INTS10: variants seen among roughly 807,000 people sequenced by gnomAD.
The protein encoded by INTS10 is chromosome 8 open reading frame 35.
Under a neutral mutation model 94.4 loss-of-function variants are expected in INTS10, and 44 were observed. The observed-to-expected ratio is 0.47, with a 90% CI of 0.37 to 0.60. The LOEUF (loss-of-function observed/expected upper bound fraction) is 0.60. Ranked by LOEUF, INTS10 falls within the 20% of genes least tolerant of loss-of-function variation. The pLI is 0.00. For synonymous variants in INTS10, 341 were observed against 320.7 expected (o/e 1.06, Z -0.68); for missense variants, 797 against 868.7 (o/e 0.92, Z 1.04).
Position 19,851,951 on chromosome 8 carries a change from A to T in INTS10, c.*146A>T. 1.7e-6 allele frequency: 1 copy of T among 573,848 alleles called. No homozygotes were observed. The highest frequency in any genetic ancestry group is 2.9e-5 in the East Asian group (1 of 34,880). 35.5% of individuals were successfully genotyped at this position (573,848 alleles called of 1,614,324 possible). ...TGAGTTCTAACTCCTTGGTTGCTTAAAAGTAGTTCCCAAGAGTCTGAGAAG... is the reference window on the plus strand; with the variant it reads ...TGAGTTCTAACTCCTTGGTTGCTTATAAGTAGTTCCCAAGAGTCTGAGAAG... On this transcript the variant is annotated 3_prime_UTR_variant, in exon 17 of 17. Transcript: ENST00000397977. This position sits in a 1 kb window ranked among gnomAD's most constrained non-coding sequence, Gnocchi z 5.0.
Position 19,817,507 on chromosome 8 carries a change from T to TCCG in INTS10, c.-31_-30insCCG. 2 of 1,596,790 alleles carry TCCG rather than the reference T, an allele frequency of 1.3e-6. No homozygotes were observed. The highest frequency in any genetic ancestry group is 1.7e-6 in the Non-Finnish European group (2 of 1,173,506). On this transcript the variant is annotated 5_prime_UTR_variant, in exon 1 of 17. Transcript: ENST00000397977. ...GTCCAGAGCCGGACGTTCCGGCCGCTTCGGGCTGGCGGCTGGAGAGCGCTC... is the reference window on the plus strand; with the variant it reads ...GTCCAGAGCCGGACGTTCCGGCCGCTCCGTCGGGCTGGCGGCTGGAGAGCGCTC...
intron 15 of INTS10, 59 bp from the exon 16 acceptor site, chr8:19,845,645 C>G: frequency 8.1e-7 from 1 of 1,231,848 alleles, no homozygotes; most frequent in Non-Finnish European, 1.2e-6. Flanking sequence ...ACCCCATTTC[C>G]TCATCAGAGA....
chr8:19,826,511 A>T lies in INTS10; in HGVS notation c.1092A>T (p.Lys364Asn), dbSNP rs761134056. 5 of 1,613,076 alleles carry T rather than the reference A, an allele frequency of 3.1e-6. No individual in the cohort carries two copies. Among genetic ancestry groups the T allele is most frequent in the Non-Finnish European group, 4.2e-6 (5 of 1,179,706 alleles). ...VYGDVEIDRN[K>N]HIHKKRKLAE... ...GTGATGTAGAAATTGATCGTAATAA[A>T]CACATCCATAAAAAGAGGAAACTAG... The change falls in exon 9 of 17, where the codon AAA becomes AAT. Residue 364 changes from lysine to asparagine, a missense_variant. This residue lies in a region of INTS10 where 734 missense variants were observed against 787.8 expected (regional missense o/e 0.93). Coordinates refer to ENST00000397977, the MANE Select transcript of INTS10 (RefSeq NM_018142.4).
intron 13 of INTS10, among the ~76,000 whole-genome samples, chr8:19,841,604 A>G (rs1406436848): frequency 6.6e-6 from 1 of 152,206 alleles, no homozygotes; most frequent in Non-Finnish European, 1.5e-5. Flanking sequence ...GAATAAAACA[A>G]TAAACTACCA....
At position 19,826,498 on chromosome 8, in the gene INTS10, T is replaced by C. The variant is rs749386095; in HGVS notation, c.1079T>C (p.Ile360Thr). ...TCGAATGTGTATGGTGATGTAGAAA[T>C]TGATCGTAATAAACACATCCATAAA... ...DVSNVYGDVE[I>T]DRNKHIHKKR... The change falls in exon 9 of 17, where the codon ATT (isoleucine) becomes ACT (threonine). Residue 360 changes from isoleucine to threonine, a missense_variant. This residue lies in a region of INTS10 where 734 missense variants were observed against 787.8 expected (regional missense o/e 0.93). Transcript: ENST00000397977. The C allele has an allele frequency of 1.1e-5, 18 of 1,613,098 alleles. No homozygotes were observed. In the Admixed American group the frequency reaches 1.7e-4, roughly 15 times the overall value.
intron 10 of INTS10, among the ~76,000 whole-genome samples, chr8:19,830,895 A>C (rs2067177802): frequency 6.6e-6 from 1 of 152,008 alleles, no homozygotes; most frequent in Non-Finnish European, 1.5e-5. Context: ...GCTGGTCTTG[A>C]ACTCCTGACC....
chr8:19,833,852 C>CA (rs1264561329), intron 12 of INTS10, among the ~76,000 whole-genome samples: 2 of 152,060 alleles, frequency 1.3e-5, no homozygotes, highest in African/African-American at 4.8e-5. Context: ...TATTAAAATA[C>CA]AAAAATGAGC....
At chr8:19,841,188 A>AT (rs1442022148) in intron 13 of INTS10, among the ~76,000 whole-genome samples, 2 of 152,208 alleles carry the variant, frequency 1.3e-5, no homozygotes, top group African/African-American at 4.8e-5. Flanking sequence ...AAAAACGACA[A>AT]TAAAAAAATG....
At chr8:19,838,921 A>T (rs1187247942) in intron 13 of INTS10, among the ~76,000 whole-genome samples, 1 of 151,948 alleles carries the variant, frequency 6.6e-6, no homozygotes, top group African/African-American at 2.4e-5. Flanking sequence ...AAATACAAAA[A>T]ATTAGCCAGG....
In INTS10 at chr8:19,823,874, C is replaced by T. The variant is rs755015774; in HGVS notation, c.666C>T (p.Gly222=). 2.0e-5 allele frequency: 31 copies of T among 1,574,684 alleles called. No homozygotes were observed. The highest frequency in any genetic ancestry group is 1.2e-4 in the Admixed American group (6 of 49,830). ...GGCTACTTTTTTCTTACATCTCAGG[C>T]GCCCAGGATACATCTGATTTAATGT... ...RSTQIENQHQ[G]AQDTSDLMSP... is the part of the protein sequence containing the mutation. The change falls in exon 7 of 17, where the codon GGC becomes GGT. Residue 222 remains glycine (G), a splice_region_variant and synonymous_variant. Transcript: ENST00000397977.
intron 16 of INTS10, among the ~76,000 whole-genome samples, chr8:19,850,655 T>C (rs1046183384): frequency 6.6e-6 from 1 of 152,178 alleles, no homozygotes; most frequent in Non-Finnish European, 1.5e-5. Context: ...CTTATAACTT[T>C]GTGTGAGGGA....
At chr8:19,847,029 A>G (rs1439293007) in intron 16 of INTS10, among the ~76,000 whole-genome samples, 1 of 152,188 alleles carries the variant, frequency 6.6e-6, no homozygotes, top group Non-Finnish European at 1.5e-5. Context: ...TTCTATCTTG[A>G]TAGTCTTAGA....
rs185783065 is a variant in INTS10, at chr8:19,826,577, A to G, written c.1140+18A>G. 1.1e-5 allele frequency: 18 copies of G among 1,601,586 alleles called. No homozygotes were observed. The Admixed American group carries it at 1.4e-4, about 12-fold the overall frequency. ...AAACCATGGTAAGGCTTTCAAATAT[A>G]CTTATTAACAGATTGGATGGGACGC... On this transcript the variant is annotated intron_variant, in intron 9 of 16. Transcript: ENST00000397977.
At chr8:19,844,274 G>T (rs765222975) in intron 15 of INTS10, 36 bp downstream of exon 15, 2 of 1,415,248 alleles carry the variant, frequency 1.4e-6, no homozygotes, top group South Asian at 1.2e-5. Flanking sequence ...AACACATTCT[G>T]ATTTTCTTTA....
intron 12 of INTS10, among the ~76,000 whole-genome samples, chr8:19,836,619 C>CTG (rs1314846133): frequency 6.6e-6 from 1 of 152,196 alleles, no homozygotes; most frequent in African/African-American, 2.4e-5. Flanking sequence ...CTAGTTTCTC[C>CTG]TGTGTGTATT....
At position 19,851,979 on chromosome 8, in the gene INTS10, A is replaced by G. The variant is rs1270417630; in HGVS notation, c.*174A>G. The G allele has an allele frequency of 2.3e-6, 1 of 438,676 alleles. No individual in the cohort carries two copies. Among genetic ancestry groups the G allele is most frequent in the Non-Finnish European group, 4.0e-6 (1 of 251,038 alleles). The allele number at this position is 438,676 out of a possible 1,614,324, so 27.2% of individuals were successfully genotyped here. ...GTAGTTCCCAAGAGTCTGAGAAGCT[A>G]TTTCTATTTTTAAGAGTCATTTTTT... On this transcript the variant is annotated 3_prime_UTR_variant, in exon 17 of 17. Transcript: ENST00000397977. The surrounding 1 kb of genome is among the most constrained non-coding windows in gnomAD (Gnocchi z 5.0).
chr8:19,822,630 T>G, intron 5 of INTS10, 110 bp downstream of exon 5: 2 of 647,902 alleles, frequency 3.1e-6, no homozygotes, highest in Non-Finnish European at 5.2e-6. Context: ...TTATGTGTTA[T>G]GGCATTTAAG....
Position 19,824,836 on chromosome 8 carries a change from T to C in INTS10, c.870T>C (p.Asp290=). The C allele has an allele frequency of 6.2e-7, 1 of 1,612,062 alleles. No individual in the cohort carries two copies. Among genetic ancestry groups the C allele is most frequent in the Non-Finnish European group, 8.5e-7 (1 of 1,178,804 alleles). ...GAGATATTTTGCATAGAATGAAGGA[T>C]CTCTGCAGATACATGAACAACTTTG... ...SYGDILHRMK[D]LCRYMNNFDS... is the part of the protein sequence containing the mutation. The change falls in exon 8 of 17, where the codon GAT becomes GAC. Residue 290 remains aspartate, a synonymous_variant. Coordinates refer to ENST00000397977, the MANE Select transcript of INTS10 (RefSeq NM_018142.4).
At chr8:19,837,301 G>T in intron 13 of INTS10, 141 bp downstream of exon 13, 1 of 634,948 alleles carries the variant, frequency 1.6e-6, no homozygotes, top group South Asian at 1.9e-5. Context: ...ACCAGCCTGG[G>T]CAATGTAGTG....
Sources: gnomAD v4.1 joint callset for allele counts (sites outside exome capture counted in the v4.1 genomes callset) on GRCh38, gnomAD v4.1.1 for gene constraint, gnomAD v4.1.1 regional missense constraint, Gnocchi (gnomAD v3.1) non-coding constraint, MANE v1.5 for transcripts, NCBI Gene and HGNC (gene_info 2026-07-23, HGNC 2026-07-21) for gene names.